Variants in ZNF845 observed in about 807,000 individuals in gnomAD.
ZNF845 encodes zinc finger protein 845.
A neutral mutation model predicts 76.1 loss-of-function variants in ZNF845; 59 were observed. That is an observed-to-expected ratio of 0.78 (90% CI 0.63 to 0.96). ZNF845 has a LOEUF of 0.96. Ranked by LOEUF, ZNF845 falls within the 40% of genes least tolerant of loss-of-function variation. The pLI, the probability that ZNF845 is intolerant of heterozygous loss-of-function variation, is 0.00. For missense variants in ZNF845, 1,045 were observed against 1,172.8 expected (o/e 0.89, Z 1.59); for synonymous variants, 361 against 386.9 (o/e 0.93, Z 0.78).
chr19:53,342,796 C>A (rs1480944978), intron 2 of ZNF845, among the ~76,000 whole-genome samples: 1 of 152,104 alleles, frequency 6.6e-6, no homozygotes, highest in Non-Finnish European at 1.5e-5. Flanking sequence ...TGCTATTAAT[C>A]CCCGTATCCA....
intron 3 of ZNF845, chr19:53,346,266 T>C (rs911356375): frequency 3.0e-5 from 9 of 299,944 alleles, no homozygotes; most frequent in African/African-American, 1.6e-4. Context: ...AATTGCTTTT[T>C]TGTGTAGACA....
Position 53,353,111 on chromosome 19 carries a change from C to G in ZNF845, c.2436C>G (p.Phe812Leu), listed in dbSNP as rs765986901. Residue 812 changes from phenylalanine to leucine, a missense_variant, in exon 4 of 4, where the codon TTC becomes TTG. By Grantham distance (22) the Phe-to-Leu change is conservative. Transcript: ENST00000458035. ...PYKCNECGKN[F>L]RHNSALVIHK... The stretch of plus-strand genomic sequence containing the variant: ...AGTGTAATGAATGTGGCAAGAACTT[C>G]CGTCACAATTCAGCCCTTGTAATTC... 5.0e-6 allele frequency: 8 copies of G among 1,598,396 alleles called. No homozygotes were observed. In the African/African-American group the frequency reaches 9.4e-5, roughly 19 times the overall value.
At position 53,353,472 on chromosome 19, in the gene ZNF845, C is replaced by T; in HGVS notation, c.2797C>T (p.His933Tyr). 1 of 1,613,690 alleles carries T rather than the reference C, an allele frequency of 6.2e-7. No homozygotes were observed. The highest frequency in any genetic ancestry group is 8.5e-7 in the Non-Finnish European group (1 of 1,179,868). Residue 933 changes from histidine to tyrosine, a missense_variant, in exon 4 of 4, where the codon CAT becomes TAT. Physicochemically the swap from His to Tyr is moderately conservative, Grantham distance 83 (BLOSUM62 2). Transcript: ENST00000458035. Reference protein sequence around the residue: ...TFRHNSVLVIHKTIHTGEKPY... With the variant: ...TFRHNSVLVIYKTIHTGEKPY... The stretch of plus-strand genomic sequence containing the variant: ...CCGTCACAATTCAGTCCTTGTAATT[C>T]ATAAGACAATTCATACTGGAGAGAA...
chr19:53,354,342 G>A lies in ZNF845; in HGVS notation c.*754G>A. The A allele has an allele frequency of 8.2e-6, 3 of 363,802 alleles. No homozygotes were observed. Among genetic ancestry groups the A allele is most frequent in the Non-Finnish European group, 1.7e-5 (3 of 179,044 alleles). The allele number at this position is 363,802 out of a possible 1,614,324, so 22.5% of individuals were successfully genotyped here. A position where few individuals can be genotyped will look rare whatever the true frequency, so the allele number is the denominator to read the frequency against. Reference sequence around the variant, plus strand: ...CTTGAGTTTGAATTGACTTAACATTGAGTTCAAGCATTAATTGACATTAAA... The same window carrying A: ...CTTGAGTTTGAATTGACTTAACATTAAGTTCAAGCATTAATTGACATTAAA... On this transcript the variant is annotated 3_prime_UTR_variant, in exon 4 of 4. Coordinates refer to ENST00000458035, the MANE Select transcript of ZNF845 (RefSeq NM_138374.3).
At chr19:53,342,754 C>T (rs2085265686) in intron 2 of ZNF845, among the ~76,000 whole-genome samples, 1 of 152,192 alleles carries the variant, frequency 6.6e-6, no homozygotes, top group African/African-American at 2.4e-5. Flanking sequence ...GTAGGGTCAT[C>T]AGGGTTTGTT....
At chr19:53,347,024 C>T (rs1338539097) in intron 3 of ZNF845, among the ~76,000 whole-genome samples, 1 of 151,980 alleles carries the variant, frequency 6.6e-6, no homozygotes, top group Non-Finnish European at 1.5e-5. Flanking sequence ...GCTGGGATTA[C>T]AGGCCTGTGC....
chr19:53,353,101 G>T lies in ZNF845; in HGVS notation c.2426G>T (p.Gly809Val), dbSNP rs1318254430. ...AAACCTTACAAGTGTAATGAATGTG[G>T]CAAGAACTTCCGTCACAATTCAGCC... ...GEKPYKCNEC[G>V]KNFRHNSALV... The change falls in exon 4 of 4, where the codon GGC (glycine) becomes GTC (valine). Residue 809 changes from glycine to valine, a missense_variant. Gly to Val is a moderately radical substitution (Grantham distance 109). Transcript: ENST00000458035. 2 of 1,600,300 alleles carry T rather than the reference G, an allele frequency of 1.2e-6. No homozygotes were observed. Among genetic ancestry groups the T allele is most frequent in the Admixed American group, 3.3e-5 (2 of 59,746 alleles).
At chr19:53,334,834 C>T (rs1473041005) in intron 1 of ZNF845, among the ~76,000 whole-genome samples, 2 of 152,028 alleles carry the variant, frequency 1.3e-5, no homozygotes, top group African/African-American at 4.8e-5. Context: ...CACTTGAGCC[C>T]AGGAGGTCCA....
chr19:53,334,790 A>C (rs2085202102), intron 1 of ZNF845, among the ~76,000 whole-genome samples: 1 of 151,850 alleles, frequency 6.6e-6, no homozygotes, highest in South Asian at 2.1e-4. Context: ...CACACCTGTA[A>C]TCCCAGCTGC....
intron 1 of ZNF845, among the ~76,000 whole-genome samples, chr19:53,335,901 C>A (rs1464372226): frequency 6.6e-6 from 1 of 151,758 alleles, no homozygotes; most frequent in Non-Finnish European, 1.5e-5. Flanking sequence ...ACGCCTGGCC[C>A]ATAGTACTTT....
At chr19:53,346,447 G>A (rs4803090) in intron 3 of ZNF845, 318,829 of 370,862 alleles carry the variant, frequency 0.86, 137,553 homozygotes, top group Non-Finnish European at 0.89. Flanking sequence ...TTGGGAGGCC[G>A]AGGCAGGCAA....
chr19:53,351,032 G>T lies in ZNF845; in HGVS notation c.357G>T (p.Leu119Phe). The T allele has an allele frequency of 6.2e-7, 1 of 1,614,160 alleles. No homozygotes were observed. Among genetic ancestry groups the T allele is most frequent in the South Asian group, 1.1e-5 (1 of 91,086 alleles). The change falls in exon 4 of 4, where the codon TTG becomes TTT. Residue 119 changes from leucine to phenylalanine, a missense_variant. Coordinates refer to ENST00000458035, the MANE Select transcript of ZNF845 (RefSeq NM_138374.3). ...CACCCATGACAGAAATCAAACAGTTGACGGGTAGTACAAACCGACATGATC... is the reference window on the plus strand; with the variant it reads ...CACCCATGACAGAAATCAAACAGTTTACGGGTAGTACAAACCGACATGATC... ...HEAPMTEIKQ[L>F]TGSTNRHDQR...
intron 1 of ZNF845, among the ~76,000 whole-genome samples, chr19:53,340,414 A>G (rs958299742): frequency 1.3e-5 from 2 of 152,026 alleles, no homozygotes; most frequent in African/African-American, 4.8e-5. Context: ...TCTCCCCTGA[A>G]CGCTACAGTC....
rs752514283 is a variant in ZNF845 at position 53,352,020 on chromosome 19, A to T, written c.1345A>T (p.Ser449Cys). 4.3e-6 allele frequency: 7 copies of T among 1,613,980 alleles called. No homozygotes were observed. In the East Asian group the frequency reaches 1.3e-4, roughly 31 times the overall value. The change falls in exon 4 of 4, where the codon AGT (serine) becomes TGT (cysteine). Residue 449 changes from serine to cysteine, a missense_variant. Physicochemically the swap from Ser to Cys is moderately radical, Grantham distance 112 (BLOSUM62 -1). Transcript: ENST00000458035. ...ATGTGAAGAATGTGATGAAGCTTTC[A>T]GTTTCAAATCGAACCTTGAAAGACA... ...YKCEECDEAF[S>C]FKSNLERHRR...
intron 2 of ZNF845, 44 bp from the exon 3 acceptor site, chr19:53,345,462 A>T: frequency 1.2e-6 from 2 of 1,613,358 alleles, no homozygotes; most frequent in South Asian, 2.2e-5. Context: ...TAAAGATAAG[A>T]ACTCCTCCCA....
chr19:53,348,995 T>G (rs989261975), intron 3 of ZNF845, among the ~76,000 whole-genome samples: 1 of 151,810 alleles, frequency 6.6e-6, no homozygotes, highest in Non-Finnish European at 1.5e-5. Context: ...TAGTTGGGAT[T>G]ACAGGCTCCC....
rs954594707 is a variant in ZNF845 at position 53,351,572 on chromosome 19, C to A, written c.897C>A (p.Tyr299Ter). Residue 299 changes from tyrosine to a stop codon, truncating the protein, a stop_gained, in exon 4 of 4, where the codon TAC becomes TAA. Coordinates refer to ENST00000458035, the MANE Select transcript of ZNF845 (RefSeq NM_138374.3). LOFTEE classifies it high-confidence loss of function. ...GACTTCATACTGGAGAGAAACATTA[C>A]AAGTGCAGTGAGTGTGGCAAGACCT... ...HHRLHTGEKH[Y>*]KCSECGKTFS... 1.8e-5 allele frequency: 29 copies of A among 1,613,812 alleles called. No homozygotes were observed. The Middle Eastern group carries it at 6.6e-4, about 37-fold the overall frequency.
At chr19:53,339,440 T>C (rs577985073) in intron 1 of ZNF845, among the ~76,000 whole-genome samples, 4 of 152,072 alleles carry the variant, frequency 2.6e-5, no homozygotes, top group Non-Finnish European at 4.4e-5. Context: ...AGGGGAGTGG[T>C]TTCCCTGCCT....
rs193032543 is a variant in ZNF845, at chr19:53,349,832, C to T, written c.143-986C>T. On this transcript the variant is annotated intron_variant, in intron 3 of 3. Transcript: ENST00000458035. ...GCCTAAATTGCTTGAGTCTAAAGTTCGAGGCCAGCCTGTCCAACATGGTGA... is the reference window on the plus strand; with the variant it reads ...GCCTAAATTGCTTGAGTCTAAAGTTTGAGGCCAGCCTGTCCAACATGGTGA... Among the ~76,000 whole-genome samples the T allele has an allele frequency of 5.3e-5, 8 of 152,112 alleles. No individual in the cohort carries two copies. The East Asian group carries it at 7.8e-4, about 15-fold the overall frequency.
Sources: gnomAD v4.1 joint callset for allele counts (sites outside exome capture counted in the v4.1 genomes callset) on GRCh38, gnomAD v4.1.1 for gene constraint, MANE v1.5 for transcripts, NCBI Gene and HGNC (gene_info 2026-07-23, HGNC 2026-07-21) for gene names.